The following TTC9 variants were observed in gnomAD, a reference collection of about 807,000 sequenced individuals.
TTC9 encodes the protein tetratricopeptide repeat protein 9A.
In TTC9, 13 loss-of-function variants were observed where a neutral mutation model predicts 22.9. That is an observed-to-expected ratio of 0.57 (90% CI 0.37 to 0.90). The LOEUF (loss-of-function observed/expected upper bound fraction) is 0.90, where lower values mean the gene tolerates loss of function less well. TTC9 is among the 40% of genes least tolerant of loss of function. The probability of loss-of-function intolerance (pLI) is 0.01; values close to 1 mark genes in which losing one functional copy is unlikely to be tolerated. For missense variants in TTC9, 280 were observed against 291.8 expected (o/e 0.96, Z 0.29); for synonymous variants, 148 against 133.2 (o/e 1.11, Z -0.77).
At chr14:70,659,132 G>GCGCTCACACACA in intron 1 of TTC9, among the ~76,000 whole-genome samples, 1 of 144,330 alleles carries the variant, frequency 6.9e-6, no homozygotes, top group East Asian at 2.0e-4. Flanking sequence ...ACACACACAC[G>GCGCTCACACACA]CACACACACA....
intron 1 of TTC9, among the ~76,000 whole-genome samples, chr14:70,646,175 C>T (rs1445167462): frequency 1.3e-5 from 2 of 152,038 alleles, no homozygotes; most frequent in African/African-American, 2.4e-5. Flanking sequence ...GTGCTGGGCC[C>T]CTGGGTGTAA....
intron 2 of TTC9, 76 bp downstream of exon 2, chr14:70,667,822 T>C: frequency 6.8e-7 from 1 of 1,472,714 alleles, no homozygotes; most frequent in Non-Finnish European, 9.1e-7. Flanking sequence ...TCAGCAGTTT[T>C]CTTGGCTAGG....
chr14:70,663,321 A>G (rs1423543936), intron 1 of TTC9, among the ~76,000 whole-genome samples: 1 of 152,162 alleles, frequency 6.6e-6, no homozygotes, highest in Non-Finnish European at 1.5e-5. Context: ...ATTCCCAAAC[A>G]TGGGTGATTT....
chr14:70,671,055 G>T (rs1334660149), intron 2 of TTC9, 21 bp from the exon 3 acceptor site: 1 of 1,611,582 alleles, frequency 6.2e-7, no homozygotes, highest in Admixed American at 1.7e-5. Context: ...TGTTCCCTAA[G>T]GTTTATTTCT....
intron 1 of TTC9, among the ~76,000 whole-genome samples, chr14:70,655,948 G>A (rs1038812771): frequency 1.3e-5 from 2 of 151,804 alleles, no homozygotes; most frequent in Non-Finnish European, 2.9e-5. Flanking sequence ...CTTTCTCCCC[G>A]CCAGCTCCTC....
Position 70,642,425 on chromosome 14 carries a change from G to T in TTC9, c.296G>T (p.Arg99Leu). The change falls in exon 1 of 3, where the codon CGG becomes CTG. Residue 99 changes from arginine (R) to leucine (L), a missense_variant. By Grantham distance (102) the Arg-to-Leu change is moderately radical. Transcript: ENST00000256367. ...CTGCCGCCCCCCGGGGAACGGGAGC[G>T]GGACTCGCGCCCGGCCTCCCCGGCT... ...GLLPPPGERE[R>L]DSRPASPAGA... 1 of 1,585,740 alleles carries T rather than the reference G, an allele frequency of 6.3e-7. No homozygotes were observed. Among genetic ancestry groups the T allele is most frequent in the Non-Finnish European group, 8.6e-7 (1 of 1,167,328 alleles).
At chr14:70,668,417 G>A (rs996074870) in intron 2 of TTC9, among the ~76,000 whole-genome samples, 4 of 152,154 alleles carry the variant, frequency 2.6e-5, no homozygotes, top group Non-Finnish European at 5.9e-5. Flanking sequence ...GTGTGGAGAG[G>A]GGACAGAACC....
rs923007189 is a variant in TTC9 at position 70,647,853 on chromosome 14, C to G, written c.406+5318C>G. Among the ~76,000 whole-genome samples, 7 of 152,290 alleles carry G rather than the reference C, an allele frequency of 4.6e-5. No homozygotes were observed. In the South Asian group the frequency reaches 1.2e-3, roughly 27 times the overall value. The stretch of plus-strand genomic sequence containing the variant: ...TTCCTTCTGAGTGTGGGGCTCTATG[C>G]AACAGCACAAGTTGCCCACCCTTGA... On this transcript the variant is annotated intron_variant, in intron 1 of 2. Coordinates refer to ENST00000256367, the MANE Select transcript of TTC9 (RefSeq NM_015351.2).
rs149061205 is a variant in TTC9 at position 70,664,172 on chromosome 14, T to A, written c.407-3392T>A. Reference sequence around the variant, plus strand: ...TGGGGCGATGCCACTTATCCTGAGGTCCACTGCAACCCCAGGTCCTGGCTA... The same window carrying A: ...TGGGGCGATGCCACTTATCCTGAGGACCACTGCAACCCCAGGTCCTGGCTA... On this transcript the variant is annotated intron_variant, in intron 1 of 2. Coordinates refer to ENST00000256367, the MANE Select transcript of TTC9 (RefSeq NM_015351.2). 1.3e-3 allele frequency among the ~76,000 whole-genome samples: 204 copies of A among 151,966 alleles called. 1 individual carries two copies. The highest frequency in any genetic ancestry group is 6.9e-3 in the South Asian group (33 of 4,796).
chr14:70,651,833 G>A lies in TTC9; in HGVS notation c.406+9298G>A, dbSNP rs186734832. Among the ~76,000 whole-genome samples the A allele has an allele frequency of 3.1e-3, 475 of 152,242 alleles. 3 individuals carry two copies. Among genetic ancestry groups the A allele is most frequent in the Admixed American group, 5.2e-3 (80 of 15,302 alleles). Reference sequence around the variant, plus strand: ...GTTAGCTCCTGAGTCTAGAAATTCCGCATGTTGGAGGCTCAGCCAGAGCAG... The same window carrying A: ...GTTAGCTCCTGAGTCTAGAAATTCCACATGTTGGAGGCTCAGCCAGAGCAG... On this transcript the variant is annotated intron_variant, in intron 1 of 2. Coordinates refer to ENST00000256367, the MANE Select transcript of TTC9 (RefSeq NM_015351.2).
chr14:70,650,415 A>AC (rs1156471748), intron 1 of TTC9, among the ~76,000 whole-genome samples: 3 of 130,312 alleles, frequency 2.3e-5, no homozygotes, highest in Middle Eastern at 3.9e-3. Flanking sequence ...AGAGCAGGAC[A>AC]CCATCTCAAA....
chr14:70,665,181 G>T (rs1049515392), intron 1 of TTC9, among the ~76,000 whole-genome samples: 1 of 152,152 alleles, frequency 6.6e-6, no homozygotes, highest in Non-Finnish European at 1.5e-5. Context: ...TTCAAAGAGG[G>T]AGGGCTGGAC....
At chr14:70,656,878 T>A (rs1886074631) in intron 1 of TTC9, among the ~76,000 whole-genome samples, 2 of 152,224 alleles carry the variant, frequency 1.3e-5, no homozygotes, top group South Asian at 4.1e-4. Context: ...ACAACAGCTC[T>A]GTCCTACCAA....
intron 1 of TTC9, among the ~76,000 whole-genome samples, chr14:70,655,100 T>G (rs116518041): frequency 0.023 from 3,429 of 152,202 alleles, 122 homozygotes; most frequent in African/African-American, 0.077. Context: ...TATAAGAAAT[T>G]ACAAAGAAGC....
rs1300195333 is a variant in TTC9 at position 70,671,945 on chromosome 14, T to C, written c.*790T>C. The C allele has an allele frequency of 1.3e-5, 2 of 152,430 alleles. No homozygotes were observed. Among genetic ancestry groups the C allele is most frequent in the African/African-American group, 4.8e-5 (2 of 41,440 alleles). The allele number at this position is 152,430 out of a possible 1,614,324, so 9.4% of individuals were successfully genotyped here. On this transcript the variant is annotated 3_prime_UTR_variant, in exon 3 of 3. Coordinates refer to ENST00000256367, the MANE Select transcript of TTC9 (RefSeq NM_015351.2). ...GTAGGTGACAGGGAGGGAAAGATGA[T>C]GGCCAGGGGAAAGAGCATCGTATAG...
chr14:70,665,374 A>T (rs1360707565), intron 1 of TTC9, among the ~76,000 whole-genome samples: 1 of 152,196 alleles, frequency 6.6e-6, no homozygotes, highest in Admixed American at 6.5e-5. Context: ...GTACAGCTGT[A>T]TAAGCACCAG....
At chr14:70,649,037 A>G (rs929859025) in intron 1 of TTC9, among the ~76,000 whole-genome samples, 2 of 152,172 alleles carry the variant, frequency 1.3e-5, no homozygotes, top group African/African-American at 4.8e-5. Flanking sequence ...TTGATTTTGG[A>G]TTTGGATATG....
At chr14:70,649,282 A>C (rs1885946258) in intron 1 of TTC9, among the ~76,000 whole-genome samples, 1 of 152,238 alleles carries the variant, frequency 6.6e-6, no homozygotes, top group African/African-American at 2.4e-5. Context: ...GAAATGAATG[A>C]AAATGCTTTT....
At chr14:70,662,081 C>G (rs1251021362) in intron 1 of TTC9, among the ~76,000 whole-genome samples, 7 of 152,206 alleles carry the variant, frequency 4.6e-5, no homozygotes, top group Non-Finnish European at 4.4e-5. Context: ...ATTTATTCAG[C>G]CTTTTCAGAA....
Sources: gnomAD v4.1 joint callset for allele counts (sites outside exome capture counted in the v4.1 genomes callset) on GRCh38, gnomAD v4.1.1 for gene constraint, MANE v1.5 for transcripts, NCBI Gene and HGNC (gene_info 2026-07-23, HGNC 2026-07-21) for gene names.